FHIT: variants seen among roughly 807,000 people sequenced by gnomAD.
FHIT encodes bis(5'-adenosyl)-triphosphatase.
FHIT carries 19 observed loss-of-function variants against 17.9 expected under a neutral mutation model. That is an observed-to-expected ratio of 1.06 (90% confidence interval 0.74 to 1.56). The LOEUF (loss-of-function observed/expected upper bound fraction) is 1.56. FHIT is among the 40% of genes most tolerant of loss of function. The pLI is 0.00. For missense variants in FHIT, 248 were observed against 189.2 expected (o/e 1.31, Z -1.82); for synonymous variants, 81 against 69.7 (o/e 1.16, Z -0.81).
At chr3:60,239,615 G>A (rs987541781) in intron 5 of FHIT, among the ~76,000 whole-genome samples, 1 of 151,950 alleles carries the variant, frequency 6.6e-6, no homozygotes, top group South Asian at 2.1e-4. Flanking sequence ...TAAGTGAAGA[G>A]GCTTTAGAGT....
In FHIT at chr3:60,960,799, A is replaced by G. The variant is rs1175367263; in HGVS notation, c.-111+81248T>C. Among the ~76,000 whole-genome samples, 7 of 152,332 alleles carry G rather than the reference A, an allele frequency of 4.6e-5. 1 individual carries two copies. In the East Asian group the frequency reaches 1.3e-3, roughly 29 times the overall value. On this transcript the variant is annotated intron_variant, in intron 3 of 9. Transcript: ENST00000492590. ...ATGGCTGCATAGTATTCCATGTTGT[A>G]TATGTGCCACATTTTCTTAATCCAG... is the stretch of plus-strand genomic sequence containing the variant.
At chr3:59,763,402 A>G (rs1017425316) in intron 8 of FHIT, among the ~76,000 whole-genome samples, 5 of 152,242 alleles carry the variant, frequency 3.3e-5, no homozygotes, top group African/African-American at 1.2e-4. Context: ...ACAACATTGC[A>G]GGCAGCAGCA....
At chr3:60,381,269 G>C (rs994125554) in intron 5 of FHIT, among the ~76,000 whole-genome samples, 2 of 152,086 alleles carry the variant, frequency 1.3e-5, no homozygotes, top group African/African-American at 4.8e-5. Context: ...CCTGAGGTCA[G>C]GAGTTTGAGA....
chr3:60,782,924 T>C (rs1014497191), intron 4 of FHIT, among the ~76,000 whole-genome samples: 1 of 152,180 alleles, frequency 6.6e-6, no homozygotes, highest in Admixed American at 6.5e-5. Flanking sequence ...ATGACGGCTC[T>C]GTCCTCATGA....
chr3:60,933,929 A>C (rs1378992302), intron 3 of FHIT, among the ~76,000 whole-genome samples: 3 of 152,174 alleles, frequency 2.0e-5, no homozygotes, highest in Admixed American at 6.5e-5. Context: ...TGTGACCCGG[A>C]ATCTATCAGG....
chr3:61,077,766 T>C (rs2035015631), intron 2 of FHIT, among the ~76,000 whole-genome samples: 1 of 152,146 alleles, frequency 6.6e-6, no homozygotes, highest in Admixed American at 6.5e-5. Context: ...GTTTTTCTTA[T>C]CTCTCTCCAC....
chr3:60,229,985 A>G (rs1704413566), intron 5 of FHIT, among the ~76,000 whole-genome samples: 1 of 152,230 alleles, frequency 6.6e-6, no homozygotes, highest in Admixed American at 6.5e-5. Flanking sequence ...CTATCTCTAA[A>G]AAAGATAACA....
chr3:60,722,705 A>ATTT, intron 4 of FHIT, among the ~76,000 whole-genome samples: 1 of 142,884 alleles, frequency 7.0e-6, no homozygotes, highest in African/African-American at 2.7e-5. Flanking sequence ...GTTACCTTAA[A>ATTT]TCTTTTTTTT....
At chr3:59,855,521 A>G (rs1020641042) in intron 8 of FHIT, among the ~76,000 whole-genome samples, 7 of 152,178 alleles carry the variant, frequency 4.6e-5, no homozygotes, top group Admixed American at 4.6e-4. Context: ...TTTTACTATG[A>G]AGAAATTAAA....
At chr3:60,564,717 C>T (rs1264637120) in intron 4 of FHIT, among the ~76,000 whole-genome samples, 1 of 152,042 alleles carries the variant, frequency 6.6e-6, no homozygotes, top group Admixed American at 6.6e-5. Context: ...CATGATCAAA[C>T]TTGAACAGAT....
chr3:60,244,522 C>G (rs1440304011), intron 5 of FHIT, among the ~76,000 whole-genome samples: 5 of 151,960 alleles, frequency 3.3e-5, no homozygotes, highest in Non-Finnish European at 7.4e-5. Flanking sequence ...TGTTGATTAA[C>G]AGTAAATAGC....
chr3:60,600,941 G>A (rs2038425805), intron 4 of FHIT, among the ~76,000 whole-genome samples: 1 of 152,152 alleles, frequency 6.6e-6, no homozygotes, highest in Admixed American at 6.5e-5. Flanking sequence ...TGGAGGCAGA[G>A]CACAGACTGG....
At chr3:60,577,226 A>T (rs2037600422) in intron 4 of FHIT, among the ~76,000 whole-genome samples, 1 of 152,116 alleles carries the variant, frequency 6.6e-6, no homozygotes, top group Non-Finnish European at 1.5e-5. Context: ...AGTTCAGGGA[A>T]CAAGCTCTCA....
intron 3 of FHIT, among the ~76,000 whole-genome samples, chr3:60,968,500 C>T (rs1018972754): frequency 7.3e-5 from 11 of 150,856 alleles, no homozygotes; most frequent in Non-Finnish European, 1.3e-4. Context: ...TCACTGCAAG[C>T]TCCTGGGGTT....
At chr3:60,958,403 G>A (rs1553779585) in intron 3 of FHIT, among the ~76,000 whole-genome samples, 1 of 152,112 alleles carries the variant, frequency 6.6e-6, no homozygotes, top group Non-Finnish European at 1.5e-5. Flanking sequence ...CCCTAGCACT[G>A]AGAACTGTTT....
chr3:60,249,715 C>CACACACACACAT (rs530758838), intron 5 of FHIT, among the ~76,000 whole-genome samples: 1 of 151,802 alleles, frequency 6.6e-6, no homozygotes, highest in Admixed American at 6.6e-5. Flanking sequence ...CACACACACA[C>CACACACACACAT]ACACACGGGA....
intron 2 of FHIT, among the ~76,000 whole-genome samples, chr3:61,135,988 G>A (rs1197938314): frequency 6.6e-6 from 1 of 152,140 alleles, no homozygotes; most frequent in Non-Finnish European, 1.5e-5. Context: ...TTAATTTGGA[G>A]GCTCATGATC....
chr3:60,027,424 T>C (rs904390321), intron 5 of FHIT, among the ~76,000 whole-genome samples: 1 of 152,194 alleles, frequency 6.6e-6, no homozygotes, highest in Non-Finnish European at 1.5e-5. Flanking sequence ...AACAGTCTTC[T>C]GTCATGGGGA....
At chr3:60,634,959 A>G (rs1315571485) in intron 4 of FHIT, among the ~76,000 whole-genome samples, 1 of 152,138 alleles carries the variant, frequency 6.6e-6, no homozygotes, top group Non-Finnish European at 1.5e-5. Flanking sequence ...ACAGCCTCAA[A>G]CACCTGGGCT....
Sources: gnomAD v4.1 joint callset for allele counts (sites outside exome capture counted in the v4.1 genomes callset) on GRCh38, gnomAD v4.1.1 for gene constraint, MANE v1.5 for transcripts, NCBI Gene and HGNC (gene_info 2026-07-23, HGNC 2026-07-21) for gene names.